The following P2RY14 variants were observed in gnomAD, a reference collection of about 807,000 sequenced individuals.
P2RY14 encodes P2Y purinoceptor 14.
P2RY14 carries 2 observed loss-of-function variants against 0.9 expected under a neutral mutation model. The observed-to-expected ratio is 2.16, with a 90% CI of 0.88 to 6.79. The LOEUF is 6.79. Among genes scored for constraint, P2RY14 ranks in the 30% most tolerant of loss-of-function variants. P2RY14 has a pLI of 0.05. For synonymous variants in P2RY14, 158 were observed against 147.2 expected (o/e 1.07, Z -0.53); for missense variants, 378 against 400.1 (o/e 0.94, Z 0.47).
intron 1 of P2RY14, among the ~76,000 whole-genome samples, chr3:151,271,273 C>A (rs531458452): frequency 9.9e-5 from 15 of 152,230 alleles, no homozygotes; most frequent in Middle Eastern, 3.4e-3. Flanking sequence ...AGATTCTCAG[C>A]CTCACTTGTC....
intron 1 of P2RY14, among the ~76,000 whole-genome samples, chr3:151,239,637 G>A (rs1048168065): frequency 6.6e-6 from 1 of 152,110 alleles, no homozygotes; most frequent in African/African-American, 2.4e-5. Context: ...TAATAAGTAT[G>A]GATAGGTATA....
intron 1 of P2RY14, among the ~76,000 whole-genome samples, chr3:151,258,856 A>G (rs995134106): frequency 1.3e-5 from 2 of 150,536 alleles, no homozygotes; most frequent in African/African-American, 4.9e-5. Flanking sequence ...TGTCTCAAAA[A>G]AAAAAAAAAA....
At chr3:151,270,276 T>G (rs1484897241) in intron 1 of P2RY14, 1 of 152,644 alleles carries the variant, frequency 6.6e-6, no homozygotes, top group Admixed American at 6.7e-5. Context: ...GTTCTTGAGG[T>G]CTTTTTTTCT....
chr3:151,232,352 T>G (rs1361678352), intron 1 of P2RY14, among the ~76,000 whole-genome samples: 1 of 152,216 alleles, frequency 6.6e-6, no homozygotes, highest in Non-Finnish European at 1.5e-5. Flanking sequence ...TGCCAGCATC[T>G]GTTATTTTTT....
At chr3:151,222,052 A>T (rs1729467117) in intron 1 of P2RY14, among the ~76,000 whole-genome samples, 1 of 152,132 alleles carries the variant, frequency 6.6e-6, no homozygotes, top group South Asian at 2.1e-4. Flanking sequence ...GTCAAAGGAG[A>T]TCGTTTGGGA....
At chr3:151,223,227 T>G (rs1729768452) in intron 1 of P2RY14, among the ~76,000 whole-genome samples, 1 of 81,030 alleles carries the variant, frequency 1.2e-5, no homozygotes. Context: ...AAGAGAACAC[T>G]TATGTACTCT....
At chr3:151,252,805 T>C (rs966420367) in intron 1 of P2RY14, among the ~76,000 whole-genome samples, 3 of 152,114 alleles carry the variant, frequency 2.0e-5, no homozygotes, top group African/African-American at 7.2e-5. Context: ...CTAGAACTTA[T>C]CTAGAAAACC....
chr3:151,276,486 C>CT (rs1375758976), intron 1 of P2RY14, among the ~76,000 whole-genome samples: 5 of 152,188 alleles, frequency 3.3e-5, no homozygotes, highest in Non-Finnish European at 5.9e-5. Context: ...ACCTCCTGGA[C>CT]TGGTCTGTTT....
chr3:151,248,379 C>G (rs759168280), intron 1 of P2RY14, among the ~76,000 whole-genome samples: 2 of 152,150 alleles, frequency 1.3e-5, no homozygotes, highest in South Asian at 2.1e-4. Flanking sequence ...AGTATTTCAC[C>G]TTTGGTTTCA....
chr3:151,226,282 C>CT (rs1248816296), intron 1 of P2RY14, among the ~76,000 whole-genome samples: 1 of 152,120 alleles, frequency 6.6e-6, no homozygotes, highest in Non-Finnish European at 1.5e-5. Flanking sequence ...GGTGAGAGAG[C>CT]TATAGGAACA....
intron 1 of P2RY14, among the ~76,000 whole-genome samples, chr3:151,268,577 A>G (rs541715505): frequency 2.0e-5 from 3 of 152,248 alleles, no homozygotes; most frequent in African/African-American, 7.2e-5. Context: ...AATTTTGCCT[A>G]ATTTGTTTCA....
chr3:151,256,700 A>C (rs1057317973), intron 1 of P2RY14, among the ~76,000 whole-genome samples: 1 of 152,216 alleles, frequency 6.6e-6, no homozygotes, highest in African/African-American at 2.4e-5. Flanking sequence ...GATGCTAAAT[A>C]ATAGTAAAGG....
intron 1 of P2RY14, among the ~76,000 whole-genome samples, chr3:151,269,239 A>G (rs1400202660): frequency 6.6e-6 from 1 of 152,102 alleles, no homozygotes; most frequent in Admixed American, 6.5e-5. Flanking sequence ...CATCTCTACT[A>G]AAAATACAAA....
intron 1 of P2RY14, among the ~76,000 whole-genome samples, chr3:151,253,797 C>A (rs1737282565): frequency 6.6e-6 from 1 of 152,114 alleles, no homozygotes; most frequent in African/African-American, 2.4e-5. Context: ...GGATTACTTT[C>A]TGGGCTTGAA....
At chr3:151,272,556 C>G (rs1027272138) in intron 1 of P2RY14, among the ~76,000 whole-genome samples, 1 of 152,128 alleles carries the variant, frequency 6.6e-6, no homozygotes, top group Non-Finnish European at 1.5e-5. Flanking sequence ...TAGATTATAT[C>G]CTGTTTTTCA....
At chr3:151,248,885 G>A (rs2149438593) in intron 1 of P2RY14, 1 of 152,214 alleles carries the variant, frequency 6.6e-6, no homozygotes, top group East Asian at 1.9e-4. Context: ...AGTCTTTTAG[G>A]TTCTCTGTAG....
chr3:151,276,041 A>G (rs1741796050), intron 1 of P2RY14, among the ~76,000 whole-genome samples: 1 of 152,234 alleles, frequency 6.6e-6, no homozygotes. Flanking sequence ...ATTGATGATC[A>G]TAATTAATTT....
At chr3:151,228,446 C>T (rs1469780491) in intron 1 of P2RY14, among the ~76,000 whole-genome samples, 5 of 152,096 alleles carry the variant, frequency 3.3e-5, no homozygotes, top group African/African-American at 7.2e-5. Context: ...CTATCAGGCT[C>T]CTGACAGTTT....
chr3:151,249,520 T>C (rs1478148553), intron 1 of P2RY14, among the ~76,000 whole-genome samples: 1 of 152,024 alleles, frequency 6.6e-6, no homozygotes, highest in Non-Finnish European at 1.5e-5. Context: ...AGAAGAGATA[T>C]TGAAAGGACC....
Sources: gnomAD v4.1 joint callset for allele counts (sites outside exome capture counted in the v4.1 genomes callset) on GRCh38, gnomAD v4.1.1 for gene constraint, MANE v1.5 for transcripts, NCBI Gene and HGNC (gene_info 2026-07-23, HGNC 2026-07-21) for gene names.